The following MANEA variants were observed in gnomAD, a reference collection of about 807,000 sequenced individuals.
MANEA encodes the protein mannosidase endo-alpha.
In MANEA, 25 loss-of-function variants were observed where a neutral mutation model predicts 36.8. The ratio of observed to expected loss-of-function variants is 0.68; its 90% CI spans 0.50 to 0.95. The LOEUF (loss-of-function observed/expected upper bound fraction) is 0.95, where lower values mean the gene tolerates loss of function less well. Ranked by LOEUF, MANEA falls within the 40% of genes least tolerant of loss-of-function variation. MANEA has a pLI of 0.00. For synonymous variants in MANEA, 198 were observed against 188.5 expected (o/e 1.05, Z -0.41); for missense variants, 565 against 558.8 (o/e 1.01, Z -0.11).
At chr6:95,601,716 A>ATTTTTTTTTTTCTTTTTTTTTTTTT (rs1769595318) in intron 3 of MANEA, among the ~76,000 whole-genome samples, 1 of 64,968 alleles carries the variant, frequency 1.5e-5, no homozygotes, top group Non-Finnish European at 2.7e-5. Context: ...AGATTCAGTG[A>ATTTTTTTTTTTCTTTTTTTTTTTTT]TTTTTTTTTT....
Position 95,586,674 on chromosome 6 carries a change from G to A in MANEA, c.235G>A (p.Val79Ile). The change falls in exon 2 of 5, where the codon GTT becomes ATT. Residue 79 changes from valine (V) to isoleucine (I), a missense_variant. Coordinates refer to ENST00000358812, the MANE Select transcript of MANEA (RefSeq NM_024641.4). ...SETNTKNLKSVEITMKPSKAS... is the reference protein window; with the variant it reads ...SETNTKNLKSIEITMKPSKAS... ...AACAAATACCAAGAATTTAAAAAGT[G>A]TTGAAATCACTATGAAACCTTCCAA... 2 of 1,614,014 alleles carry A rather than the reference G, an allele frequency of 1.2e-6. No homozygotes were observed. The highest frequency in any genetic ancestry group is 8.5e-7 in the Non-Finnish European group (1 of 1,179,982).
chr6:95,599,478 A>G (rs1426120483), intron 3 of MANEA, among the ~76,000 whole-genome samples: 1 of 151,484 alleles, frequency 6.6e-6, no homozygotes, highest in Non-Finnish European at 1.5e-5. Flanking sequence ...GATTGCAACC[A>G]CTCTTAAAAT....
rs67978183 is a variant in MANEA at position 95,582,173 on chromosome 6, CTTTTTTTTTT to C, written c.-38-4210_-38-4201del. ...TGGCATGCCAAAATGGTTGTATCAT[CTTTTTTTTTT>C]TTTTTTTTTTTTTTTTTTGAGACGG... On this transcript the variant is annotated intron_variant, in intron 1 of 4. Coordinates refer to ENST00000358812, the MANE Select transcript of MANEA (RefSeq NM_024641.4). Among the ~76,000 whole-genome samples the C allele has an allele frequency of 1.1e-4, 9 of 79,384 alleles. No individual in the cohort carries two copies. In the East Asian group the frequency reaches 3.2e-3, roughly 29 times the overall value. The allele number at this position is 79,384 out of a possible 152,430, so 52.1% of individuals were successfully genotyped here.
intron 2 of MANEA, 63 bp from the exon 3 acceptor site, chr6:95,596,674 T>C: frequency 1.1e-6 from 1 of 894,318 alleles, no homozygotes; most frequent in South Asian, 1.5e-5. Context: ...TTACTGTGCC[T>C]TTTTAAGAAT....
chr6:95,591,448 C>T (rs1010033050), intron 2 of MANEA, among the ~76,000 whole-genome samples: 2 of 151,402 alleles, frequency 1.3e-5, no homozygotes, highest in South Asian at 4.2e-4. Flanking sequence ...AGTAGTCTGC[C>T]GTAATTTAAA....
intron 2 of MANEA, among the ~76,000 whole-genome samples, chr6:95,590,387 C>T (rs1769365732): frequency 6.6e-6 from 1 of 152,142 alleles, no homozygotes; most frequent in South Asian, 2.1e-4. Flanking sequence ...GTCACATTTC[C>T]CAGTTCCTTT....
intron 1 of MANEA, among the ~76,000 whole-genome samples, 197 bp downstream of exon 1, chr6:95,577,835 A>G (rs934216083): frequency 2.6e-5 from 4 of 152,176 alleles, no homozygotes; most frequent in Non-Finnish European, 4.4e-5. Context: ...CCCCTCGATT[A>G]ACCTAGGCTG....
chr6:95,606,187 C>G lies in MANEA; in HGVS notation c.1171C>G (p.Gln391Glu). The G allele has an allele frequency of 6.2e-7, 1 of 1,614,086 alleles. No individual in the cohort carries two copies. Among genetic ancestry groups the G allele is most frequent in the Non-Finnish European group, 8.5e-7 (1 of 1,179,976 alleles). Residue 391 changes from glutamine to glutamate, a missense_variant, in exon 5 of 5, where the codon CAG (glutamine) becomes GAG (glutamate). Physicochemically the swap from Gln to Glu is conservative, Grantham distance 29. Coordinates refer to ENST00000358812, the MANE Select transcript of MANEA (RefSeq NM_024641.4). ...YYEIGLSAALQTRPSLISITS... is the reference protein window; with the variant it reads ...YYEIGLSAALETRPSLISITS... ...TGAAATTGGTCTGAGTGCCGCACTT[C>G]AGACACGCCCCAGCTTAATTTCTAT...
At position 95,609,045 on chromosome 6, in the gene MANEA, C is replaced by G. The variant is rs1769770655; in HGVS notation, c.*2640C>G. The G allele has an allele frequency of 6.6e-6, 1 of 151,778 alleles. No individual in the cohort carries two copies. The allele number at this position is 151,778 out of a possible 1,614,324, so 9.4% of individuals were successfully genotyped here. A position where few individuals can be genotyped will look rare whatever the true frequency, so the allele number is the denominator to read the frequency against. On this transcript the variant is annotated 3_prime_UTR_variant, in exon 5 of 5. Transcript: ENST00000358812. The stretch of plus-strand genomic sequence containing the variant: ...AGAGGAAAACTTTCAAAATCTTCCT[C>G]AGGTATTTATTACAACTGCCTTTAC...
At chr6:95,604,623 A>G (rs934275255) in intron 3 of MANEA, among the ~76,000 whole-genome samples, 3 of 152,050 alleles carry the variant, frequency 2.0e-5, no homozygotes, top group African/African-American at 7.2e-5. Context: ...GTGAAGATTA[A>G]CCAAGATAAT....
In MANEA at chr6:95,607,970, A is replaced by G. The variant is rs1480378331; in HGVS notation, c.*1565A>G. The G allele has an allele frequency of 1.3e-5, 2 of 151,870 alleles. No homozygotes were observed. The highest frequency in any genetic ancestry group is 2.9e-5 in the Non-Finnish European group (2 of 67,798). 9.4% of individuals were successfully genotyped at this position (151,870 alleles called of 1,614,324 possible). ...ATTTTTAAACAGTGGTTTTGACACAAATTATGTTATTGAAAAGCATTATTA... is the reference window on the plus strand; with the variant it reads ...ATTTTTAAACAGTGGTTTTGACACAGATTATGTTATTGAAAAGCATTATTA... On this transcript the variant is annotated 3_prime_UTR_variant, in exon 5 of 5. Coordinates refer to ENST00000358812, the MANE Select transcript of MANEA (RefSeq NM_024641.4).
chr6:95,598,596 C>T (rs920217570), intron 3 of MANEA, among the ~76,000 whole-genome samples: 3 of 151,982 alleles, frequency 2.0e-5, no homozygotes, highest in African/African-American at 4.8e-5. Context: ...TTGGCAATGA[C>T]GTGTTAATAC....
chr6:95,584,061 T>A (rs1224298744), intron 1 of MANEA, among the ~76,000 whole-genome samples: 1 of 152,216 alleles, frequency 6.6e-6, no homozygotes, highest in African/African-American at 2.4e-5. Context: ...TTCTTATGCC[T>A]GTCTTACTTT....
rs973640974 is a variant in MANEA, at chr6:95,607,514, A to C, written c.*1109A>C. ...AGAGTAGGTCCTGAAGTTTGGCTTT[A>C]CATTAAGTTTAGCACTGTATCAGAA... On this transcript the variant is annotated 3_prime_UTR_variant, in exon 5 of 5. Coordinates refer to ENST00000358812, the MANE Select transcript of MANEA (RefSeq NM_024641.4). 6 of 151,994 alleles carry C rather than the reference A, an allele frequency of 3.9e-5. No homozygotes were observed. The highest frequency in any genetic ancestry group is 1.4e-4 in the African/African-American group (6 of 41,452). The allele number at this position is 151,994 out of a possible 1,614,324, so 9.4% of individuals were successfully genotyped here.
In MANEA at chr6:95,609,348, G is replaced by T. The variant is rs1389752263; in HGVS notation, c.*2943G>T. The T allele has an allele frequency of 6.6e-6, 1 of 151,568 alleles. No homozygotes were observed. Among genetic ancestry groups the T allele is most frequent in the Non-Finnish European group, 1.5e-5 (1 of 67,642 alleles). 9.4% of individuals were successfully genotyped at this position (151,568 alleles called of 1,614,324 possible). On this transcript the variant is annotated 3_prime_UTR_variant, in exon 5 of 5. Transcript: ENST00000358812. Reference sequence around the variant, plus strand: ...AACTGCTGTTATTAACTTCACTTGAGTTGTTTAACTTCCTTCTGTTTTAAG... The same window carrying T: ...AACTGCTGTTATTAACTTCACTTGATTTGTTTAACTTCCTTCTGTTTTAAG...
chr6:95,596,139 CA>C (rs564106739), intron 2 of MANEA, among the ~76,000 whole-genome samples: 3 of 151,802 alleles, frequency 2.0e-5, no homozygotes, highest in Non-Finnish European at 4.4e-5. Flanking sequence ...CTGGAAAAGG[CA>C]AAATTATAGG....
intron 4 of MANEA, among the ~76,000 whole-genome samples, chr6:95,605,285 T>C (rs1308872884): frequency 6.6e-6 from 1 of 152,150 alleles, no homozygotes; most frequent in Non-Finnish European, 1.5e-5. Flanking sequence ...AGAGCTGATA[T>C]TTTCATTTAT....
intron 1 of MANEA, among the ~76,000 whole-genome samples, chr6:95,578,165 C>T (rs1266484725): frequency 1.3e-5 from 2 of 152,124 alleles, no homozygotes; most frequent in Non-Finnish European, 2.9e-5. Flanking sequence ...ATGGCGAGGC[C>T]GCTAGAGATG....
intron 1 of MANEA, among the ~76,000 whole-genome samples, chr6:95,583,226 G>A (rs1173187763): frequency 6.6e-6 from 1 of 152,058 alleles, no homozygotes; most frequent in Non-Finnish European, 1.5e-5. Context: ...TGGAATGCAG[G>A]GATGGGTAAG....
Sources: gnomAD v4.1 joint callset for allele counts (sites outside exome capture counted in the v4.1 genomes callset) on GRCh38, gnomAD v4.1.1 for gene constraint, MANE v1.5 for transcripts, NCBI Gene and HGNC (gene_info 2026-07-23, HGNC 2026-07-21) for gene names.